The following CCDC62 variants were observed in gnomAD, a reference collection of about 807,000 sequenced individuals.
CCDC62 encodes coiled-coil domain-containing protein 62.
A neutral mutation model predicts 80.8 loss-of-function variants in CCDC62; 72 were observed. The observed-to-expected ratio is 0.89, with a 90% confidence interval of 0.74 to 1.08. The LOEUF (loss-of-function observed/expected upper bound fraction) is 1.08. Among genes scored for constraint, CCDC62 ranks in the 50% least tolerant of loss-of-function variants. The pLI is 0.00. For missense variants in CCDC62, 704 were observed against 809.4 expected, an observed-to-expected ratio of 0.87 and a Z score of 1.58; for synonymous variants, 286 against 296.5, an observed-to-expected ratio of 0.96 and a Z score of 0.36.
chr12:122,810,994 G>T (rs983830635), intron 10 of CCDC62, among the ~76,000 whole-genome samples: 1 of 147,670 alleles, frequency 6.8e-6, no homozygotes, highest in African/African-American at 2.6e-5. Flanking sequence ...CACAGGAAGG[G>T]GGACATCACA....
At chr12:122,812,803 G>C in intron 10 of CCDC62, among the ~76,000 whole-genome samples, 1 of 144,226 alleles carries the variant, frequency 6.9e-6, no homozygotes, top group Non-Finnish European at 1.5e-5. Context: ...AAGAAAGAAA[G>C]AAAGAAAGAA....
intron 10 of CCDC62, among the ~76,000 whole-genome samples, chr12:122,808,333 G>A (rs1403596056): frequency 1.3e-5 from 2 of 152,030 alleles, no homozygotes; most frequent in African/African-American, 4.8e-5. Flanking sequence ...AATTACTTTT[G>A]CACCAACCTA....
intron 11 of CCDC62, among the ~76,000 whole-genome samples, chr12:122,818,780 G>A (rs2032279169): frequency 1.3e-5 from 2 of 152,106 alleles, no homozygotes; most frequent in Admixed American, 1.3e-4. Context: ...TTAGCCAAGT[G>A]TAGTGGCTCA....
intron 3 of CCDC62, among the ~76,000 whole-genome samples, chr12:122,781,897 A>G (rs2135530754): frequency 6.6e-6 from 1 of 151,006 alleles, no homozygotes; most frequent in South Asian, 2.1e-4. Context: ...TACAAAAATG[A>G]GCTGGGTGTG....
At chr12:122,812,823 G>GA (rs780157575) in intron 10 of CCDC62, among the ~76,000 whole-genome samples, 1 of 147,420 alleles carries the variant, frequency 6.8e-6, no homozygotes, top group Non-Finnish European at 1.5e-5. Context: ...AAGAAAGAAA[G>GA]AAAGAAAAGG....
intron 11 of CCDC62, among the ~76,000 whole-genome samples, chr12:122,813,989 G>A (rs2135583041): frequency 6.6e-6 from 1 of 150,784 alleles, no homozygotes; most frequent in East Asian, 2.0e-4. Flanking sequence ...TTTTATTATA[G>A]AAAGTTTCAA....
chr12:122,807,606 C>T (rs998548480), intron 10 of CCDC62, among the ~76,000 whole-genome samples: 2 of 151,110 alleles, frequency 1.3e-5, no homozygotes, highest in African/African-American at 4.9e-5. Context: ...TTGAAATCTT[C>T]ATCCCACTAA....
At chr12:122,782,107 G>A (rs577516694) in intron 3 of CCDC62, among the ~76,000 whole-genome samples, 2 of 151,600 alleles carry the variant, frequency 1.3e-5, no homozygotes, top group African/African-American at 4.8e-5. Context: ...GGCTGAGGCA[G>A]AAACATTGCT....
chr12:122,774,950 CGGGCGTG>C (rs1001724398), intron 1 of CCDC62, among the ~76,000 whole-genome samples: 1 of 151,196 alleles, frequency 6.6e-6, no homozygotes, highest in Non-Finnish European at 1.5e-5. Flanking sequence ...AAAAATTAGC[CGGGCGTG>C]GCGGCGGGCG....
chr12:122,781,134 G>A (rs1400456134), intron 2 of CCDC62, 30 bp from the exon 3 acceptor site: 2 of 1,581,214 alleles, frequency 1.3e-6, no homozygotes, highest in South Asian at 1.1e-5. Context: ...CTGAAGGTGT[G>A]ACTACAAATT....
intron 10 of CCDC62, among the ~76,000 whole-genome samples, chr12:122,812,862 T>C (rs928478522): frequency 6.6e-6 from 1 of 151,770 alleles, no homozygotes; most frequent in African/African-American, 2.4e-5. Context: ...TATTCTACTA[T>C]TTGATGTCCA....
chr12:122,825,342 A>ATTTT (rs749990077), intron 12 of CCDC62, among the ~76,000 whole-genome samples: 5 of 89,786 alleles, frequency 5.6e-5, no homozygotes, highest in East Asian at 3.0e-4. Context: ...CACCTGGCTA[A>ATTTT]TTTTTTTTTT....
chr12:122,805,805 C>T (rs757349375), intron 9 of CCDC62, among the ~76,000 whole-genome samples: 1 of 151,934 alleles, frequency 6.6e-6, no homozygotes, highest in South Asian at 2.1e-4. Context: ...CCACCGCTCC[C>T]GGCCACATCC....
chr12:122,816,702 C>T (rs1352366124), intron 11 of CCDC62, among the ~76,000 whole-genome samples: 1 of 152,166 alleles, frequency 6.6e-6, no homozygotes, highest in African/African-American at 2.4e-5. Context: ...CACTGCATTC[C>T]AGCCTGGGTG....
At chr12:122,806,622 G>A (rs569852600) in intron 10 of CCDC62, among the ~76,000 whole-genome samples, 3 of 151,802 alleles carry the variant, frequency 2.0e-5, no homozygotes, top group South Asian at 4.2e-4. Context: ...GCAACTACAG[G>A]CACATGCCAC....
intron 6 of CCDC62, among the ~76,000 whole-genome samples, chr12:122,794,539 G>A (rs1033750653): frequency 2.0e-5 from 3 of 152,090 alleles, no homozygotes; most frequent in Non-Finnish European, 4.4e-5. Flanking sequence ...CTTAACTAAA[G>A]ACAATCTCAC....
intron 9 of CCDC62, among the ~76,000 whole-genome samples, chr12:122,805,588 C>A (rs1300269395): frequency 6.8e-6 from 1 of 146,316 alleles, no homozygotes; most frequent in African/African-American, 2.5e-5. Flanking sequence ...GATCTCAGCT[C>A]CCTGCAAGCT....
At chr12:122,784,947 C>T (rs1176398669) in intron 3 of CCDC62, among the ~76,000 whole-genome samples, 6 of 152,090 alleles carry the variant, frequency 3.9e-5, no homozygotes, top group Non-Finnish European at 4.4e-5. Context: ...GAGACCAGCC[C>T]GGCCAACGTG....
At chr12:122,812,803 GAA>G (rs760623143) in intron 10 of CCDC62, among the ~76,000 whole-genome samples, 2 of 144,124 alleles carry the variant, frequency 1.4e-5, no homozygotes, top group Non-Finnish European at 3.1e-5. Flanking sequence ...AAGAAAGAAA[GAA>G]AGAAAGAAAG....
Sources: gnomAD v4.1 joint callset for allele counts (sites outside exome capture counted in the v4.1 genomes callset) on GRCh38, gnomAD v4.1.1 for gene constraint, MANE v1.5 for transcripts, NCBI Gene and HGNC (gene_info 2026-07-23, HGNC 2026-07-21) for gene names.